HNRNPUL1: variants seen among roughly 807,000 people sequenced by gnomAD.
HNRNPUL1 encodes the protein heterogeneous nuclear ribonucleoprotein U-like protein 1.
Under a neutral mutation model 108.5 loss-of-function variants are expected in HNRNPUL1, and 14 were observed. That is an observed-to-expected ratio of 0.13 (90% CI 0.09 to 0.20). The LOEUF (loss-of-function observed/expected upper bound fraction) is 0.20. Ranked by LOEUF, HNRNPUL1 falls within the 10% of genes least tolerant of loss-of-function variation. The pLI is 1.00. For missense variants in HNRNPUL1, 804 were observed against 1,168.3 expected (o/e 0.69, Z 4.55); for synonymous variants, 422 against 445.2 (o/e 0.95, Z 0.66).
intron 6 of HNRNPUL1, among the ~76,000 whole-genome samples, chr19:41,280,088 A>G (rs1394997770): frequency 1.3e-5 from 2 of 152,244 alleles, no homozygotes; most frequent in African/African-American, 4.8e-5. Flanking sequence ...ATCCTGGTCC[A>G]TAATTGCCTG....
rs545502560 is a variant in HNRNPUL1 at position 41,306,018 on chromosome 19, T to G, written c.2454+151T>G. ...CATCTGGTGCAGCCATTCCATTTGG[T>G]CAACACTTCTGCACTGGTTGCTAGG... On this transcript the variant is annotated intron_variant, in intron 14 of 14. Transcript: ENST00000392006. 3.4e-5 allele frequency: 21 copies of G among 625,414 alleles called. No individual in the cohort carries two copies. In the South Asian group the frequency reaches 3.8e-4, roughly 11 times the overall value. 38.7% of individuals were successfully genotyped at this position (625,414 alleles called of 1,614,324 possible).
chr19:41,292,605 C>T lies in HNRNPUL1; in HGVS notation c.1266+94C>T, dbSNP rs1331355496. 5 of 1,491,962 alleles carry T rather than the reference C, an allele frequency of 3.4e-6. No homozygotes were observed. The highest frequency in any genetic ancestry group is 4.6e-6 in the Non-Finnish European group (5 of 1,085,814). 92.4% of individuals were successfully genotyped at this position (1,491,962 alleles called of 1,614,324 possible). On this transcript the variant is annotated intron_variant, in intron 8 of 14. Coordinates refer to ENST00000392006, the MANE Select transcript of HNRNPUL1 (RefSeq NM_007040.6). The surrounding 1 kb of genome is among the most constrained non-coding windows in gnomAD (Gnocchi z 4.1). ...ACACACAGACTTGCTGCGAGAGTAG[C>T]CTTGGGGCAAGTGGCCACTTTGTCC...
chr19:41,304,350 C>T (rs1450282386), intron 13 of HNRNPUL1, 89 bp downstream of exon 13: 1 of 1,518,332 alleles, frequency 6.6e-7, no homozygotes, highest in Non-Finnish European at 8.8e-7. Flanking sequence ...CTGGGGAAAT[C>T]AACACATGCC....
intron 10 of HNRNPUL1, among the ~76,000 whole-genome samples, chr19:41,297,630 T>C (rs2122889479): frequency 6.6e-6 from 1 of 152,286 alleles, no homozygotes. Context: ...TGGAGGCTTC[T>C]GGGGAGCCTC....
At chr19:41,302,014 C>T (rs1270867191) in intron 11 of HNRNPUL1, among the ~76,000 whole-genome samples, 5 of 152,064 alleles carry the variant, frequency 3.3e-5, no homozygotes, top group Admixed American at 3.3e-4. Context: ...GTGGGCAGGC[C>T]TCAGTTTGTT....
chr19:41,278,942 C>T lies in HNRNPUL1; in HGVS notation c.787-135C>T. On this transcript the variant is annotated intron_variant, in intron 5 of 14. Transcript: ENST00000392006. Reference sequence around the variant, plus strand: ...ATTCGGTTCAACAGGCTTTTCAGAGCTGCTTAAACGCTTCTTCTCCAGCAA... The same window carrying T: ...ATTCGGTTCAACAGGCTTTTCAGAGTTGCTTAAACGCTTCTTCTCCAGCAA... 2 of 685,682 alleles carry T rather than the reference C, an allele frequency of 2.9e-6. 1 individual carries two copies. Among genetic ancestry groups the T allele is most frequent in the South Asian group, 3.4e-5 (2 of 58,586 alleles). The allele number at this position is 685,682 out of a possible 1,614,324, so 42.5% of individuals were successfully genotyped here.
At chr19:41,283,289 A>G (rs1405313369) in intron 7 of HNRNPUL1, among the ~76,000 whole-genome samples, 1 of 151,936 alleles carries the variant, frequency 6.6e-6, no homozygotes, top group African/African-American at 2.4e-5. Flanking sequence ...TTTTTATTTT[A>G]TTTTTTTGAA....
intron 10 of HNRNPUL1, chr19:41,299,054 T>C (rs2037049832): frequency 6.6e-6 from 1 of 152,232 alleles, no homozygotes; most frequent in Non-Finnish European, 1.5e-5. Flanking sequence ...TATGACCAGA[T>C]GCCACGTTCT....
chr19:41,292,286 G>A lies in HNRNPUL1; in HGVS notation c.1041G>A (p.Lys347=). The part of the protein sequence containing the change: ...CGNDVELSFT[K]NGKWMGIAFR... ...ATGACGTGGAACTGTCTTTTACCAAGAATGGAAAGTGGATGGGCATTGCTT... is the reference window on the plus strand; with the variant it reads ...ATGACGTGGAACTGTCTTTTACCAAAAATGGAAAGTGGATGGGCATTGCTT... The change falls in exon 8 of 15, where the codon AAG becomes AAA. Residue 347 remains lysine (K), a synonymous_variant. Transcript: ENST00000392006. This position sits in a 1 kb window ranked among gnomAD's most constrained non-coding sequence, Gnocchi z 4.1. The A allele has an allele frequency of 6.2e-7, 1 of 1,614,236 alleles. No homozygotes were observed. Among genetic ancestry groups the A allele is most frequent in the South Asian group, 1.1e-5 (1 of 91,088 alleles).
Position 41,268,756 on chromosome 19 carries a change from G to T in HNRNPUL1, c.418+411G>T, listed in dbSNP as rs1282166459. ...ACCTGTAATCCCAGCTACTTGGGAG[G>T]CTGAGGCAGGAGAATCACTTGAACC... On this transcript the variant is annotated intron_variant, in intron 2 of 14. Coordinates refer to ENST00000392006, the MANE Select transcript of HNRNPUL1 (RefSeq NM_007040.6). Among the ~76,000 whole-genome samples, 3 of 152,196 alleles carry T rather than the reference G, an allele frequency of 2.0e-5. No individual in the cohort carries two copies. The East Asian group carries it at 5.8e-4, about 29-fold the overall frequency.
In HNRNPUL1 at chr19:41,306,509, A is replaced by AACTACG. The variant is rs754582613; in HGVS notation, c.2522_2527dup (p.Asp841_Tyr842dup). 1 of 1,606,484 alleles carries AACTACG rather than the reference A, an allele frequency of 6.2e-7. No individual in the cohort carries two copies. Among genetic ancestry groups the AACTACG allele is most frequent in the Admixed American group, 1.7e-5 (1 of 58,856 alleles). On this transcript the variant is annotated inframe_insertion, in exon 15 of 15. Transcript: ENST00000392006. ...GGGCCAGTGGCCGCCATACTACGGG[A>AACTACG]ACTACGACTACGGGAGCTACTCCGG...
At chr19:41,270,719 C>T (rs1446080487) in intron 2 of HNRNPUL1, among the ~76,000 whole-genome samples, 2 of 151,542 alleles carry the variant, frequency 1.3e-5, no homozygotes, top group African/African-American at 2.4e-5. Flanking sequence ...CCTCAGCCTC[C>T]TAAGTAGTTG....
At position 41,292,509 on chromosome 19, in the gene HNRNPUL1, G is replaced by C; in HGVS notation, c.1264G>C (p.Glu422Gln). Reference protein sequence around the residue: ...TVGPKSKAECEILMMVGLPAA... With the variant: ...TVGPKSKAECQILMMVGLPAA... The stretch of plus-strand genomic sequence containing the variant: ...TGGACCAAAGAGCAAGGCAGAATGT[G>C]AGGTGAGTGGGGCCAGAATGTATTG... The change falls in exon 8 of 15, where the codon GAG becomes CAG. Residue 422 changes from glutamate (E) to glutamine (Q), a missense_variant and splice_region_variant. Glu to Gln is a conservative substitution (Grantham distance 29). Around this residue, in one of 4 missense-constraint regions of HNRNPUL1, gnomAD observed 80 missense variants for 221.8 expected, o/e 0.36. Transcript: ENST00000392006. The surrounding 1 kb of genome is among the most constrained non-coding windows in gnomAD (Gnocchi z 4.1). 1 of 1,607,710 alleles carries C rather than the reference G, an allele frequency of 6.2e-7. No homozygotes were observed. The highest frequency in any genetic ancestry group is 8.5e-7 in the Non-Finnish European group (1 of 1,174,898).
intron 7 of HNRNPUL1, among the ~76,000 whole-genome samples, chr19:41,281,692 A>G (rs1248483210): frequency 1.3e-5 from 2 of 152,038 alleles, no homozygotes; most frequent in African/African-American, 4.8e-5. Context: ...TTCATCTCAC[A>G]TTGGTTGAGC....
chr19:41,306,486 G>C lies in HNRNPUL1; in HGVS notation c.2492G>C (p.Gly831Ala). 6.2e-7 allele frequency: 1 copy of C among 1,604,170 alleles called. No homozygotes were observed. The highest frequency in any genetic ancestry group is 8.5e-7 in the Non-Finnish European group (1 of 1,175,766). Residue 831 changes from glycine (G) to alanine (A), a missense_variant, in exon 15 of 15, where the codon GGC becomes GCC. Gly to Ala is a moderately conservative substitution (Grantham distance 60). Coordinates refer to ENST00000392006, the MANE Select transcript of HNRNPUL1 (RefSeq NM_007040.6). ...TGGAACCAGTACTATCAGAACCAGGGCCAGTGGCCGCCATACTACGGGAAC... is the reference window on the plus strand; with the variant it reads ...TGGAACCAGTACTATCAGAACCAGGCCCAGTGGCCGCCATACTACGGGAAC... ...QQWNQYYQNQGQWPPYYGNYD... is the reference protein window; with the variant it reads ...QQWNQYYQNQAQWPPYYGNYD...
chr19:41,304,540 C>T (rs1410589078), intron 13 of HNRNPUL1, among the ~76,000 whole-genome samples: 1 of 152,242 alleles, frequency 6.6e-6, no homozygotes, highest in Non-Finnish European at 1.5e-5. Context: ...AGCACTGATC[C>T]CTCCAGCAAG....
At chr19:41,269,528 C>T (rs2035084501) in intron 2 of HNRNPUL1, among the ~76,000 whole-genome samples, 1 of 132,434 alleles carries the variant, frequency 7.6e-6, no homozygotes, top group African/African-American at 2.8e-5. Context: ...TAGGTTAGAA[C>T]ACAGTGGCTC....
chr19:41,305,535 C>A, intron 13 of HNRNPUL1, 141 bp from the exon 14 acceptor site: 1 of 1,032,616 alleles, frequency 9.7e-7, no homozygotes, highest in Non-Finnish European at 1.5e-6. Flanking sequence ...TCCTTCTCAG[C>A]CCACAAACAA....
At chr19:41,289,596 G>C (rs1216314371) in intron 7 of HNRNPUL1, among the ~76,000 whole-genome samples, 1 of 152,224 alleles carries the variant, frequency 6.6e-6, no homozygotes, top group Non-Finnish European at 1.5e-5. Flanking sequence ...CTCTGTTGGT[G>C]GTAGATGGGT....
Sources: allele counts gnomAD v4.1 joint callset (sites outside exome capture counted in the v4.1 genomes callset), GRCh38; gene constraint gnomAD v4.1.1; regional missense constraint gnomAD v4.1.1; non-coding constraint Gnocchi (gnomAD v3.1); transcripts MANE v1.5; gene names NCBI Gene and HGNC (gene_info 2026-07-23, HGNC 2026-07-21).